Variants in ARHGAP12 observed in about 807,000 individuals in gnomAD.
The protein encoded by ARHGAP12 is rho GTPase-activating protein 12.
ARHGAP12 carries 64 observed loss-of-function variants against 108.6 expected under a neutral mutation model. That is an observed-to-expected ratio of 0.59 (90% CI 0.48 to 0.73). The LOEUF is 0.73. ARHGAP12 is among the 30% of genes least tolerant of loss of function. ARHGAP12 has a pLI of 0.00. For synonymous variants in ARHGAP12, 312 were observed against 337.2 expected, an observed-to-expected ratio of 0.93 and a Z score of 0.82; for missense variants, 940 against 1,005.9, an observed-to-expected ratio of 0.93 and a Z score of 0.89.
chr10:31,904,458 G>A (rs1296098450), intron 3 of ARHGAP12, among the ~76,000 whole-genome samples: 1 of 152,158 alleles, frequency 6.6e-6, no homozygotes, highest in African/African-American at 2.4e-5. Context: ...AAGATGGGAG[G>A]GAATTGGTTA....
intron 11 of ARHGAP12, among the ~76,000 whole-genome samples, chr10:31,821,994 T>C (rs1388692069): frequency 6.6e-6 from 1 of 152,058 alleles, no homozygotes; most frequent in Admixed American, 6.6e-5. Flanking sequence ...ACGCTGTAGA[T>C]GGGTAGCTCT....
At chr10:31,892,877 T>G (rs9971336) in intron 3 of ARHGAP12, among the ~76,000 whole-genome samples, 7,965 of 152,086 alleles carry the variant, frequency 0.052, 670 homozygotes, top group African/African-American at 0.18. Context: ...AAATGTAAAA[T>G]AACAGAAATT....
chr10:31,866,361 A>T (rs1428779245), intron 3 of ARHGAP12, among the ~76,000 whole-genome samples: 2 of 152,308 alleles, frequency 1.3e-5, no homozygotes, highest in East Asian at 3.9e-4. Flanking sequence ...AAGCGAGTAA[A>T]ATACAGAAAA....
At chr10:31,905,284 C>T (rs945451295) in intron 3 of ARHGAP12, among the ~76,000 whole-genome samples, 5 of 151,842 alleles carry the variant, frequency 3.3e-5, no homozygotes, top group African/African-American at 7.3e-5. Flanking sequence ...TTTTTAGAGA[C>T]GAGGTCTCAC....
intron 1 of ARHGAP12, among the ~76,000 whole-genome samples, chr10:31,913,922 T>C (rs1166952123): frequency 6.6e-6 from 1 of 152,164 alleles, no homozygotes; most frequent in Non-Finnish European, 1.5e-5. Flanking sequence ...CAATAGCCAC[T>C]AACCTTCTTG....
At chr10:31,919,153 T>G (rs1159915081) in intron 1 of ARHGAP12, among the ~76,000 whole-genome samples, 1 of 152,172 alleles carries the variant, frequency 6.6e-6, no homozygotes, top group Non-Finnish European at 1.5e-5. Flanking sequence ...ATTTCATGTA[T>G]ATAAGGTACC....
chr10:31,861,437 T>C lies in ARHGAP12; in HGVS notation c.906A>G (p.Ala302=). 6.2e-7 allele frequency: 1 copy of C among 1,614,162 alleles called. No homozygotes were observed. The highest frequency in any genetic ancestry group is 8.5e-7 in the Non-Finnish European group (1 of 1,180,002). ...TTTGGAAATCTCCTTTGCTGATGCT[T>C]GCATCCCGAGTCCAACGAGGAGGTT... The part of the protein sequence containing the change: ...TWKPPRWTRD[A]SISKGDFQNP... The change falls in exon 4 of 20, where the codon GCA becomes GCG. Residue 302 remains alanine, a synonymous_variant. Coordinates refer to ENST00000344936, the MANE Select transcript of ARHGAP12 (RefSeq NM_018287.7).
intron 3 of ARHGAP12, among the ~76,000 whole-genome samples, chr10:31,883,695 G>A (rs1838072827): frequency 6.6e-6 from 1 of 151,292 alleles, no homozygotes; most frequent in Non-Finnish European, 1.5e-5. Context: ...TTTCAGGAAT[G>A]TGACCTCATG....
At chr10:31,868,368 T>G (rs1837411821) in intron 3 of ARHGAP12, among the ~76,000 whole-genome samples, 1 of 152,176 alleles carries the variant, frequency 6.6e-6, no homozygotes, top group African/African-American at 2.4e-5. Context: ...GTATTATATA[T>G]GTTTTTTTCT....
At chr10:31,839,779 G>A (rs1172685067) in intron 7 of ARHGAP12, 68 bp from the exon 8 acceptor site, 3 of 1,291,462 alleles carry the variant, frequency 2.3e-6, no homozygotes, top group Non-Finnish European at 3.2e-6. Flanking sequence ...TCTACTCACA[G>A]TGGGAGAGCT....
chr10:31,861,909 C>A (rs1355056083), intron 3 of ARHGAP12, among the ~76,000 whole-genome samples: 1 of 152,084 alleles, frequency 6.6e-6, no homozygotes, highest in African/African-American at 2.4e-5. Flanking sequence ...GATGGACAGC[C>A]AAGAGCTGTG....
Position 31,807,753 on chromosome 10 carries a change from C to G in ARHGAP12, c.2446G>C (p.Glu816Gln), listed in dbSNP as rs1834870366. The change falls in exon 20 of 20, where the codon GAA (glutamate) becomes CAA (glutamine). Residue 816 changes from glutamate to glutamine, a missense_variant. Transcript: ENST00000344936. ...ACTGCTATATTACCAGTCTCTTTTTCTGGTTTTAATAGAGTGGGACCAAAA... is the reference window on the plus strand; with the variant it reads ...ACTGCTATATTACCAGTCTCTTTTTGTGGTTTTAATAGAGTGGGACCAAAA... ...IVFGPTLLKPEKETGNIAVHT... is the reference protein window; with the variant it reads ...IVFGPTLLKPQKETGNIAVHT... 6.2e-7 allele frequency: 1 copy of G among 1,605,600 alleles called. No homozygotes were observed. The highest frequency in any genetic ancestry group is 1.3e-5 in the African/African-American group (1 of 74,350).
At chr10:31,815,169 A>C (rs551319898) in intron 13 of ARHGAP12, among the ~76,000 whole-genome samples, 9 of 152,008 alleles carry the variant, frequency 5.9e-5, no homozygotes, top group African/African-American at 1.9e-4. Context: ...GAAATCCTAG[A>C]GCTCATCTAT....
At chr10:31,875,041 C>T (rs1202495661) in intron 3 of ARHGAP12, among the ~76,000 whole-genome samples, 1 of 139,048 alleles carries the variant, frequency 7.2e-6, no homozygotes, top group African/African-American at 2.7e-5. Flanking sequence ...AGAAAACTTA[C>T]AGAAGACCAT....
intron 7 of ARHGAP12, among the ~76,000 whole-genome samples, chr10:31,842,000 T>C (rs1819253181): frequency 6.6e-6 from 1 of 152,128 alleles, no homozygotes; most frequent in Non-Finnish European, 1.5e-5. Flanking sequence ...AAAAATCATA[T>C]TCTTGCAACT....
chr10:31,856,359 C>A (rs911387486), intron 4 of ARHGAP12, among the ~76,000 whole-genome samples: 2 of 152,094 alleles, frequency 1.3e-5, no homozygotes, highest in Non-Finnish European at 1.5e-5. Flanking sequence ...TGTTAGAGAA[C>A]TGAACTCAGG....
intron 6 of ARHGAP12, among the ~76,000 whole-genome samples, chr10:31,847,831 A>G (rs202095580): frequency 2.0e-5 from 3 of 152,126 alleles, no homozygotes; most frequent in South Asian, 4.1e-4. Flanking sequence ...GCTTCATAAC[A>G]TGTTCTGCAC....
chr10:31,809,290 T>C lies in ARHGAP12; in HGVS notation c.2068A>G (p.Ile690Val). 1.2e-6 allele frequency: 2 copies of C among 1,613,832 alleles called. No homozygotes were observed. The highest frequency in any genetic ancestry group is 1.7e-6 in the Non-Finnish European group (2 of 1,179,774). The change falls in exon 17 of 20, where the codon ATA (isoleucine) becomes GTA (valine). Residue 690 changes from isoleucine (I) to valine (V), a missense_variant. Physicochemically the swap from Ile to Val is conservative, Grantham distance 29 (BLOSUM62 3). Coordinates refer to ENST00000344936, the MANE Select transcript of ARHGAP12 (RefSeq NM_018287.7). ...VEEHGLDIDG[I>V]YRVSGNLAVI... ...GCGAGGTTGCCACTTACTCTGTATA[T>C]CCCATCAATATCCAAACCTAAGAGA...
chr10:31,898,605 C>G (rs534533207), intron 3 of ARHGAP12, among the ~76,000 whole-genome samples: 1 of 152,288 alleles, frequency 6.6e-6, no homozygotes, highest in South Asian at 2.1e-4. Flanking sequence ...AATGGTGGAC[C>G]ACATACACAA....
Sources: gnomAD v4.1 joint callset for allele counts (sites outside exome capture counted in the v4.1 genomes callset) on GRCh38, gnomAD v4.1.1 for gene constraint, MANE v1.5 for transcripts, NCBI Gene and HGNC (gene_info 2026-07-23, HGNC 2026-07-21) for gene names.